ANO7: variants seen among roughly 807,000 people sequenced by gnomAD.
ANO7 encodes the protein anoctamin-7.
ANO7 carries 114 observed loss-of-function variants against 115.8 expected under a neutral mutation model. The observed-to-expected ratio is 0.98, with a 90% CI of 0.85 to 1.15. The LOEUF (loss-of-function observed/expected upper bound fraction) is 1.15. ANO7 is among the 50% of genes most tolerant of loss of function. The pLI is 0.00. For missense variants in ANO7, 1,302 were observed against 1,201.2 expected (o/e 1.08, Z -1.24); for synonymous variants, 550 against 498.2 (o/e 1.10, Z -1.38).
chr2:241,199,860 C>A (rs549458949), intron 5 of ANO7, among the ~76,000 whole-genome samples: 1 of 152,184 alleles, frequency 6.6e-6, no homozygotes, highest in Non-Finnish European at 1.5e-5. Flanking sequence ...ACCCCTTTTC[C>A]ACTTGAGGGT....
At chr2:241,213,002 A>C (rs1574786599) in intron 17 of ANO7, 9 of 220,146 alleles carry the variant, frequency 4.1e-5, no homozygotes, top group South Asian at 2.0e-4. Context: ...CAAAAACCCT[A>C]CCCCACCCCA....
chr2:241,237,085 G>C, the ANO7 span, among the ~76,000 whole-genome samples: 3 of 152,026 alleles, frequency 2.0e-5, no homozygotes, highest in East Asian at 1.9e-4. Context: ...CTACAGCAGA[G>C]GCTTCAGTGA....
rs547711185 is a variant in ANO7, at chr2:241,209,604, T to A, written c.1328T>A (p.Met443Lys). 28 of 1,592,634 alleles carry A rather than the reference T, an allele frequency of 1.8e-5. 1 individual carries two copies. In the South Asian group the frequency reaches 3.1e-4, roughly 17 times the overall value. Reference sequence around the variant, plus strand: ...CCTGAGAGGAGCCGCGCGCGCCGCATGCTGGCCGGCTCTGTGGTGATCGTG... The same window carrying A: ...CCTGAGAGGAGCCGCGCGCGCCGCAAGCTGGCCGGCTCTGTGGTGATCGTG... Reference protein sequence around the residue: ...YFPERSRARRMLAGSVVIVVM... With the variant: ...YFPERSRARRKLAGSVVIVVM... Residue 443 changes from methionine (M) to lysine (K), a missense_variant, in exon 13 of 25, where the codon ATG (methionine) becomes AAG (lysine). Coordinates refer to ENST00000674324, the MANE Select transcript of ANO7 (RefSeq NM_001370694.2).
rs1473140489 is a variant in ANO7 at position 241,209,511 on chromosome 2, C to T, written c.1235C>T (p.Pro412Leu). 3 of 1,591,168 alleles carry T rather than the reference C, an allele frequency of 1.9e-6. No homozygotes were observed. The African/African-American group carries it at 4.0e-5, about 21-fold the overall frequency. Residue 412 changes from proline (P) to leucine (L), a missense_variant, in exon 13 of 25, where the codon CCC (proline) becomes CTC (leucine). Coordinates refer to ENST00000674324, the MANE Select transcript of ANO7 (RefSeq NM_001370694.2). ...DYEDTEERPR[P>L]QFAASAPMTA... ...GCTCCCTTCCAGGAGAGGCCTCGGC[C>T]CCAGTTTGCCGCCTCAGCCCCCATG... is the stretch of plus-strand genomic sequence containing the variant.
chr2:241,199,185 G>A (rs1223859712), intron 4 of ANO7, 131 bp from the exon 5 acceptor site: 3 of 797,020 alleles, frequency 3.8e-6, no homozygotes, highest in Non-Finnish European at 6.3e-6. Flanking sequence ...TATCAAATAG[G>A]AGATTCAAAG....
At chr2:241,222,859 G>C (rs901494069) in intron 21 of ANO7, among the ~76,000 whole-genome samples, 1 of 152,198 alleles carries the variant, frequency 6.6e-6, no homozygotes, top group African/African-American at 2.4e-5. Context: ...GTAGACTGAA[G>C]TCATCCGTAG....
chr2:241,209,522 G>A lies in ANO7; in HGVS notation c.1246G>A (p.Ala416Thr), dbSNP rs150809012. 117 of 1,590,944 alleles carry A rather than the reference G, an allele frequency of 7.4e-5. No individual in the cohort carries two copies. Among genetic ancestry groups the A allele is most frequent in the Admixed American group, 2.4e-4 (14 of 58,598 alleles). Reference sequence around the variant, plus strand: ...GGAGAGGCCTCGGCCCCAGTTTGCCGCCTCAGCCCCCATGACAGCCCCGAA... The same window carrying A: ...GGAGAGGCCTCGGCCCCAGTTTGCCACCTCAGCCCCCATGACAGCCCCGAA... The part of the protein sequence containing the change: ...TEERPRPQFA[A>T]SAPMTAPNPI... Residue 416 changes from alanine (A) to threonine (T), a missense_variant, in exon 13 of 25, where the codon GCC (alanine) becomes ACC (threonine). Physicochemically the swap from Ala to Thr is moderately conservative, Grantham distance 58. Transcript: ENST00000674324.
intron 13 of ANO7, 143 bp from the exon 14 acceptor site, chr2:241,210,152 C>T (rs565950819): frequency 2.7e-4 from 206 of 765,322 alleles, no homozygotes; most frequent in African/African-American, 2.6e-3. Context: ...GGAGCACAGC[C>T]GGGGCTGGAG....
chr2:241,227,358 C>T (rs2069228492), downstream of ANO7: 1 of 152,548 alleles, frequency 6.6e-6, no homozygotes, highest in Non-Finnish European at 1.5e-5. Flanking sequence ...AGCCTTTACA[C>T]ATGTTTGCAT....
rs113759088 is a variant in ANO7, at chr2:241,203,468, G to A, written c.859G>A (p.Glu287Lys). 7 of 1,561,066 alleles carry A rather than the reference G, an allele frequency of 4.5e-6. No individual in the cohort carries two copies. In the African/African-American group the frequency reaches 8.3e-5, roughly 19 times the overall value. ...GGACCACGTGCGCAGGTACTTCGGGGAGAAGGTGGCCCTCTACTTCGCCTG... is the reference window on the plus strand; with the variant it reads ...GGACCACGTGCGCAGGTACTTCGGGAAGAAGGTGGCCCTCTACTTCGCCTG... ...PLDHVRRYFG[E>K]KVALYFAWLG... Residue 287 changes from glutamate to lysine, a missense_variant, in exon 9 of 25, where the codon GAG becomes AAG. Coordinates refer to ENST00000674324, the MANE Select transcript of ANO7 (RefSeq NM_001370694.2). This position sits in a 1 kb window ranked among gnomAD's most constrained non-coding sequence, Gnocchi z 4.8.
downstream of ANO7, chr2:241,229,885 G>A: frequency 1.9e-6 from 3 of 1,593,712 alleles, no homozygotes; most frequent in Non-Finnish European, 2.6e-6. Context: ...AAAGCCTCTG[G>A]AAGGTGCCTT....
In ANO7 at chr2:241,217,859, G is replaced by A. The variant is rs753963157; in HGVS notation, c.2146G>A (p.Ala716Thr). The change falls in exon 20 of 25, where the codon GCG becomes ACG. Residue 716 changes from alanine (A) to threonine (T), a missense_variant. By Grantham distance (58) the Ala-to-Thr change is moderately conservative. Coordinates refer to ENST00000674324, the MANE Select transcript of ANO7 (RefSeq NM_001370694.2). The part of the protein sequence containing the change: ...QDIGIWFHIL[A>T]GLTHLAVISN... The stretch of plus-strand genomic sequence containing the variant: ...CATCGGCATCTGGTTCCACATCCTG[G>A]CGGGCCTCACGCACCTGGCGGTCAT... 6.2e-7 allele frequency: 1 copy of A among 1,602,860 alleles called. No homozygotes were observed. Among genetic ancestry groups the A allele is most frequent in the East Asian group, 2.2e-5 (1 of 44,590 alleles).
chr2:241,216,764 T>G (rs1431591393), intron 19 of ANO7, among the ~76,000 whole-genome samples: 1 of 152,212 alleles, frequency 6.6e-6, no homozygotes, highest in Non-Finnish European at 1.5e-5. Context: ...ACCTGTGCCG[T>G]CCCTGCAGTG....
rs2068517996 is a variant in ANO7 at position 241,203,444 on chromosome 2, G to A, written c.835G>A (p.Asp279Asn). 1 of 1,587,030 alleles carries A rather than the reference G, an allele frequency of 6.3e-7. No individual in the cohort carries two copies. The highest frequency in any genetic ancestry group is 8.6e-7 in the Non-Finnish European group (1 of 1,167,976). ...WGKWNKYQPL[D>N]HVRRYFGEKV... ...CAAGTGGAACAAGTACCAGCCCCTG[G>A]ACCACGTGCGCAGGTACTTCGGGGA... Residue 279 changes from aspartate to asparagine, a missense_variant, in exon 9 of 25, where the codon GAC becomes AAC. Transcript: ENST00000674324. The surrounding 1 kb of genome is among the most constrained non-coding windows in gnomAD (Gnocchi z 4.8).
At chr2:241,204,152 G>A (rs544683300) in intron 9 of ANO7, among the ~76,000 whole-genome samples, 125 of 152,340 alleles carry the variant, frequency 8.2e-4, no homozygotes, top group African/African-American at 2.7e-3. Context: ...CTGTGTGCCA[G>A]GACTCACCCG....
chr2:241,239,576 C>A, the ANO7 span: 1 of 1,599,024 alleles, frequency 6.3e-7, no homozygotes, highest in South Asian at 1.1e-5. The surrounding 1 kb of genome is among the most constrained non-coding windows in gnomAD (Gnocchi z 4.6). Flanking sequence ...GGGTGAGAAC[C>A]CCTCCCCGAG....
At chr2:241,199,895 G>T (rs2068429289) in intron 5 of ANO7, among the ~76,000 whole-genome samples, 194 bp from the exon 6 acceptor site, 1 of 152,170 alleles carries the variant, frequency 6.6e-6, no homozygotes, top group Admixed American at 6.5e-5. Context: ...TTGACAAGCT[G>T]AGCAGCCTCA....
rs921040440 is a variant in ANO7, at chr2:241,202,450, C to T, written c.723+146C>T. On this transcript the variant is annotated intron_variant, in intron 8 of 24. Coordinates refer to ENST00000674324, the MANE Select transcript of ANO7 (RefSeq NM_001370694.2). Reference sequence around the variant, plus strand: ...TCAGAACACTAAATGCACACACATGCGGCGATGTGATCAGGCCATCCCGTG... The same window carrying T: ...TCAGAACACTAAATGCACACACATGTGGCGATGTGATCAGGCCATCCCGTG... 1.8e-5 allele frequency: 12 copies of T among 674,084 alleles called. 1 individual carries two copies. The highest frequency in any genetic ancestry group is 5.3e-5 in the South Asian group (3 of 57,020). 41.8% of individuals were successfully genotyped at this position (674,084 alleles called of 1,614,324 possible). A position where few individuals can be genotyped will look rare whatever the true frequency, so the allele number is the denominator to read the frequency against.
chr2:241,205,539 C>T (rs1356643065), intron 10 of ANO7, among the ~76,000 whole-genome samples: 2 of 126,358 alleles, frequency 1.6e-5, no homozygotes, highest in East Asian at 2.9e-4. Context: ...TGCTCCAAGG[C>T]TGACACAGGT....
Sources: gnomAD v4.1 joint callset for allele counts (sites outside exome capture counted in the v4.1 genomes callset) on GRCh38, gnomAD v4.1.1 for gene constraint, Gnocchi (gnomAD v3.1) non-coding constraint, MANE v1.5 for transcripts, NCBI Gene and HGNC (gene_info 2026-07-23, HGNC 2026-07-21) for gene names.